The following SCAF4 variants were observed in gnomAD, a reference collection of about 807,000 sequenced individuals.
SCAF4 encodes SR-related CTD associated factor 4.
In SCAF4, 25 loss-of-function variants were observed where a neutral mutation model predicts 129.8. That is an observed-to-expected ratio of 0.19 (90% CI 0.14 to 0.27). The LOEUF (loss-of-function observed/expected upper bound fraction) is 0.27, where lower values mean the gene tolerates loss of function less well. Ranked by LOEUF, SCAF4 falls within the 10% of genes least tolerant of loss-of-function variation. The probability of loss-of-function intolerance (pLI) is 1.00; values close to 1 mark genes in which losing one functional copy is unlikely to be tolerated. For missense variants in SCAF4, 1,246 were observed against 1,457.1 expected (o/e 0.86, Z 2.36); for synonymous variants, 551 against 497.7 (o/e 1.11, Z -1.43).
intron 4 of SCAF4, among the ~76,000 whole-genome samples, chr21:31,702,870 G>C (rs2050567928): frequency 6.6e-6 from 1 of 152,056 alleles, no homozygotes; most frequent in Admixed American, 6.5e-5. Flanking sequence ...TCTTGGTTTT[G>C]GGTGTATTTT....
At chr21:31,723,629 T>TGTGTGTGTGTGCGC (rs1271033175) in intron 1 of SCAF4, among the ~76,000 whole-genome samples, 11 of 149,000 alleles carry the variant, frequency 7.4e-5, no homozygotes, top group African/African-American at 2.5e-4. Flanking sequence ...TGTGTGTGTG[T>TGTGTGTGTGTGCGC]GCGCGCGCGC....
chr21:31,712,136 T>C (rs1379560697), intron 1 of SCAF4, among the ~76,000 whole-genome samples: 5 of 152,126 alleles, frequency 3.3e-5, no homozygotes, highest in African/African-American at 4.8e-5. Context: ...TTTCTGAATA[T>C]TGACTCATCC....
intron 12 of SCAF4, among the ~76,000 whole-genome samples, chr21:31,692,769 A>G (rs553130132): frequency 1.7e-3 from 255 of 152,340 alleles, no homozygotes; most frequent in Non-Finnish European, 2.8e-3. Context: ...GAACAGCAGA[A>G]CTAGGATTGG....
intron 1 of SCAF4, among the ~76,000 whole-genome samples, chr21:31,728,971 G>T (rs905535803): frequency 2.6e-5 from 4 of 152,158 alleles, no homozygotes; most frequent in African/African-American, 9.7e-5. Flanking sequence ...CAGATGCCAA[G>T]GTCCATGGAT....
At position 31,701,842 on chromosome 21, in the gene SCAF4, T is replaced by C. The variant is rs1294402937; in HGVS notation, c.534A>G (p.Pro178=). The part of the protein sequence containing the change: ...QATPNSVPAV[P]QLPSSDAFAA... ...CAAAAGCATCAGAGCTGGGCAACTG[T>C]GGTACAGCTGGGACGGAGTTTGGAG... is the stretch of plus-strand genomic sequence containing the variant. Residue 178 remains proline (P), a synonymous_variant, in exon 6 of 20, where the codon CCA becomes CCG. Transcript: ENST00000286835. 1 of 1,614,050 alleles carries C rather than the reference T, an allele frequency of 6.2e-7. No homozygotes were observed. Among genetic ancestry groups the C allele is most frequent in the Non-Finnish European group, 8.5e-7 (1 of 1,179,996 alleles).
intron 1 of SCAF4, among the ~76,000 whole-genome samples, chr21:31,709,854 TAA>T (rs560133020): frequency 1.2e-3 from 166 of 135,618 alleles, no homozygotes; most frequent in African/African-American, 3.5e-3. Flanking sequence ...AGATGATACT[TAA>T]AAAAAAAAAA....
At chr21:31,715,480 A>T (rs935941482) in intron 1 of SCAF4, among the ~76,000 whole-genome samples, 5 of 151,880 alleles carry the variant, frequency 3.3e-5, no homozygotes, top group African/African-American at 4.8e-5. Context: ...TTTATTACCT[A>T]AAAAAAATAG....
intron 19 of SCAF4, among the ~76,000 whole-genome samples, chr21:31,672,699 C>T (rs2049741336): frequency 6.6e-6 from 1 of 152,162 alleles, no homozygotes; most frequent in South Asian, 2.1e-4. Context: ...TGTGCTAAGT[C>T]CTAATGAGAT....
chr21:31,683,120 C>T (rs76351062), intron 19 of SCAF4, among the ~76,000 whole-genome samples: 2,431 of 152,236 alleles, frequency 0.016, 71 homozygotes, highest in African/African-American at 0.055. Context: ...TTTTAAAATT[C>T]TGTTTTAGAA....
At chr21:31,689,600 G>A (rs956224774) in intron 15 of SCAF4, among the ~76,000 whole-genome samples, 2 of 149,284 alleles carry the variant, frequency 1.3e-5, no homozygotes, top group Non-Finnish European at 3.0e-5. Context: ...ATGAGCCACC[G>A]TGCCTGGCCT....
intron 13 of SCAF4, 92 bp from the exon 14 acceptor site, chr21:31,692,022 C>T (rs2050271742): frequency 1.5e-6 from 1 of 664,436 alleles, no homozygotes. Context: ...AATCCCATCC[C>T]TCACCCCATG....
At chr21:31,725,459 C>T (rs2051178770) in intron 1 of SCAF4, among the ~76,000 whole-genome samples, 1 of 152,164 alleles carries the variant, frequency 6.6e-6, no homozygotes, top group South Asian at 2.1e-4. Context: ...GATAAGTGTA[C>T]CAATGTCAAT....
intron 7 of SCAF4, among the ~76,000 whole-genome samples, chr21:31,700,493 G>A (rs2050498471): frequency 6.6e-6 from 1 of 151,772 alleles, no homozygotes; most frequent in African/African-American, 2.4e-5. Context: ...CCCATGTAGT[G>A]GAATACTATG....
intron 1 of SCAF4, chr21:31,706,845 CAG>C (rs2123609742): frequency 4.1e-6 from 1 of 246,628 alleles, no homozygotes; most frequent in African/African-American, 2.4e-5. Flanking sequence ...CTGATGAAGC[CAG>C]AGAAAGAAGC....
At chr21:31,674,385 C>T (rs527456794) in intron 19 of SCAF4, among the ~76,000 whole-genome samples, 1 of 152,254 alleles carries the variant, frequency 6.6e-6, no homozygotes, top group East Asian at 1.9e-4. Flanking sequence ...AAACATTATA[C>T]ACTCAAATCC....
At chr21:31,708,967 G>C (rs2050733749) in intron 1 of SCAF4, among the ~76,000 whole-genome samples, 1 of 152,196 alleles carries the variant, frequency 6.6e-6, no homozygotes, top group African/African-American at 2.4e-5. Context: ...GCAGGTACAA[G>C]AAACTTATGT....
chr21:31,671,057 A>T lies in SCAF4; in HGVS notation c.*342T>A. On this transcript the variant is annotated 3_prime_UTR_variant, in exon 20 of 20. Transcript: ENST00000286835. ...GTTTGTTACGAAAATAGAGTTTATT[A>T]AAAACATCCCTATTGTTTTGAGGAG... 4.8e-6 allele frequency: 1 copy of T among 206,882 alleles called. No homozygotes were observed. The highest frequency in any genetic ancestry group is 1.2e-4 in the South Asian group (1 of 8,108). 12.8% of individuals were successfully genotyped at this position (206,882 alleles called of 1,614,324 possible). A position where few individuals can be genotyped will look rare whatever the true frequency, so the allele number is the denominator to read the frequency against.
chr21:31,714,889 T>C (rs1382337206), intron 1 of SCAF4, among the ~76,000 whole-genome samples: 2 of 152,232 alleles, frequency 1.3e-5, no homozygotes, highest in Non-Finnish European at 2.9e-5. Context: ...ATAACTAGTA[T>C]TTCCTCTCTG....
intron 4 of SCAF4, among the ~76,000 whole-genome samples, chr21:31,702,592 AC>A (rs556339771): frequency 5.0e-4 from 76 of 152,258 alleles, no homozygotes; most frequent in South Asian, 1.4e-3. Flanking sequence ...ACAGAGATGG[AC>A]TATAGACCCA....
Sources: gnomAD v4.1 joint callset for allele counts (sites outside exome capture counted in the v4.1 genomes callset) on GRCh38, gnomAD v4.1.1 for gene constraint, MANE v1.5 for transcripts, NCBI Gene and HGNC (gene_info 2026-07-23, HGNC 2026-07-21) for gene names.